The following GRPR variants were observed in gnomAD, a reference collection of about 807,000 sequenced individuals.
The protein encoded by GRPR is gastrin releasing peptide receptor, also known as gastrin-releasing peptide receptor.
Under a neutral mutation model 15.6 loss-of-function variants are expected in GRPR, and 4 were observed. The ratio of observed to expected loss-of-function variants is 0.26; its 90% CI spans 0.13 to 0.59. The LOEUF (loss-of-function observed/expected upper bound fraction) is 0.59. GRPR is among the 20% of genes least tolerant of loss of function. GRPR has a pLI of 0.90. For synonymous variants in GRPR, 128 were observed against 126.8 expected, an observed-to-expected ratio of 1.01 and a Z score of -0.06; for missense variants, 270 against 304.1, an observed-to-expected ratio of 0.89 and a Z score of 0.83.
intron 1 of GRPR, among the ~76,000 whole-genome samples, chrX:16,142,447 G>A (rs969806618): frequency 9.1e-6 from 1 of 109,548 alleles, no homozygotes; most frequent in African/African-American, 3.3e-5. Context: ...GCTGAGCTTT[G>A]GAAAGTAAGG....
At chrX:16,128,464 G>A (rs1601941771) in intron 1 of GRPR, among the ~76,000 whole-genome samples, 2 of 111,042 alleles carry the variant, frequency 1.8e-5, no homozygotes, top group Non-Finnish European at 3.8e-5. Flanking sequence ...GCAGTGAGCC[G>A]ACATTGTGCC....
intron 1 of GRPR, among the ~76,000 whole-genome samples, chrX:16,127,477 C>T (rs1006307922): frequency 9.0e-6 from 1 of 111,221 alleles, no homozygotes; most frequent in Non-Finnish European, 1.9e-5. Flanking sequence ...TCTGTCCTTA[C>T]ACACACACTG....
chrX:16,123,736 G>A lies in GRPR; in HGVS notation c.-218G>A, dbSNP rs1366223988. 10 of 448,419 alleles carry A rather than the reference G, an allele frequency of 2.2e-5. No individual in the cohort carries two copies. The East Asian group carries it at 3.3e-4, about 15-fold the overall frequency. The allele number at this position is 448,419 out of a possible 1,213,427, so 37.0% of individuals were successfully genotyped here. On this transcript the variant is annotated 5_prime_UTR_variant, in exon 1 of 3. Transcript: ENST00000380289. Reference sequence around the variant, plus strand: ...TTGTTAACTTATTGAATTTAGAGTTGTATTGCACTGGTCATGTGAAAGCCA... The same window carrying A: ...TTGTTAACTTATTGAATTTAGAGTTATATTGCACTGGTCATGTGAAAGCCA...
At chrX:16,139,107 A>G (rs1379176346) in intron 1 of GRPR, among the ~76,000 whole-genome samples, 2 of 112,181 alleles carry the variant, frequency 1.8e-5, no homozygotes, top group African/African-American at 6.5e-5. Flanking sequence ...CTGATCTTTA[A>G]AATGGGGAGA....
intron 1 of GRPR, among the ~76,000 whole-genome samples, chrX:16,148,234 C>G (rs1156543129): frequency 9.0e-6 from 1 of 111,437 alleles, no homozygotes; most frequent in Non-Finnish European, 1.9e-5. Context: ...ATAGTTGCAT[C>G]TATGTCTGAT....
intron 1 of GRPR, among the ~76,000 whole-genome samples, chrX:16,128,632 G>A (rs1922332304): frequency 1.8e-5 from 2 of 111,928 alleles, no homozygotes; most frequent in Non-Finnish European, 3.8e-5. Context: ...TTGTGGGTCA[G>A]TAAGTAGATT....
chrX:16,151,416 T>C (rs1202532918), intron 2 of GRPR, among the ~76,000 whole-genome samples: 1 of 111,030 alleles, frequency 9.0e-6, no homozygotes, highest in Non-Finnish European at 1.9e-5. Flanking sequence ...GCATCTATGA[T>C]GGAAAAGCAG....
In GRPR at chrX:16,152,438, C is replaced by T. The variant is rs754186413; in HGVS notation, c.948C>T (p.Cys316=). Residue 316 remains cysteine (C), a synonymous_variant, in exon 3 of 3, where the codon TGC becomes TGT. Coordinates refer to ENST00000380289, the MANE Select transcript of GRPR (RefSeq NM_005314.3). ...CARLLAFTNS[C]VNPFALYLLS... ...GCCTCCTGGCCTTCACCAACTCCTG[C>T]GTGAACCCCTTTGCCCTCTACCTGC... is the stretch of plus-strand genomic sequence containing the variant. The T allele has an allele frequency of 1.6e-5, 19 of 1,206,668 alleles. No homozygotes were observed. Among genetic ancestry groups the T allele is most frequent in the Non-Finnish European group, 2.0e-5 (18 of 892,222 alleles).
intron 1 of GRPR, among the ~76,000 whole-genome samples, chrX:16,125,168 G>A (rs905193174): frequency 3.6e-5 from 4 of 112,403 alleles, no homozygotes; most frequent in African/African-American, 1.3e-4. Flanking sequence ...AAAAGTTTAC[G>A]TTTATTCAGT....
chrX:16,150,696 T>C (rs1444341326), intron 2 of GRPR, 40 bp downstream of exon 2: 3 of 812,076 alleles, frequency 3.7e-6, no homozygotes, highest in East Asian at 6.3e-5. Flanking sequence ...CTTGGGGATA[T>C]AATCCCTTGC....
intron 1 of GRPR, among the ~76,000 whole-genome samples, chrX:16,133,228 G>A (rs1414913930): frequency 9.0e-6 from 1 of 111,500 alleles, no homozygotes; most frequent in African/African-American, 3.3e-5. Flanking sequence ...GTTTACAACA[G>A]CGTGTATCCC....
intron 1 of GRPR, 146 bp downstream of exon 1, chrX:16,124,512 A>G: frequency 3.7e-6 from 2 of 545,838 alleles, no homozygotes; most frequent in Non-Finnish European, 6.3e-6. Flanking sequence ...TATTCTGGGT[A>G]TGACTTCTTG....
At position 16,152,594 on chromosome X, in the gene GRPR, G is replaced by A; in HGVS notation, c.1104G>A (p.Val368=). ...MTSLKSTNPS[V]ATFSLINGNI... ...CCCTCAAGAGTACCAACCCCTCCGT[G>A]GCCACCTTTAGCCTCATCAATGGAA... The change falls in exon 3 of 3, where the codon GTG becomes GTA. Residue 368 remains valine, a synonymous_variant. Coordinates refer to ENST00000380289, the MANE Select transcript of GRPR (RefSeq NM_005314.3). 1.7e-6 allele frequency: 2 copies of A among 1,208,974 alleles called. No homozygotes were observed. The highest frequency in any genetic ancestry group is 3.0e-5 in the East Asian group (1 of 33,858).
At chrX:16,132,666 G>A (rs1480647757) in intron 1 of GRPR, among the ~76,000 whole-genome samples, 1 of 111,409 alleles carries the variant, frequency 9.0e-6, no homozygotes, top group Non-Finnish European at 1.9e-5. Flanking sequence ...TTATTAATGA[G>A]AGATTAGAAA....
Position 16,132,626 on chromosome X carries a change from C to A in GRPR, c.413+8260C>A, listed in dbSNP as rs188167832. Among the ~76,000 whole-genome samples the A allele has an allele frequency of 4.6e-3, 515 of 111,519 alleles. 3 individuals are homozygous for A. Among genetic ancestry groups the A allele is most frequent in the Admixed American group, 0.027 (285 of 10,566 alleles). ...GAGAAAATAGAAGGAGGAGGTCAGT[C>A]TTCTAGCATGGTTGATTAAAATTGT... On this transcript the variant is annotated intron_variant, in intron 1 of 2. Transcript: ENST00000380289.
At chrX:16,149,958 A>G (rs1331736746) in intron 1 of GRPR, among the ~76,000 whole-genome samples, 1 of 112,046 alleles carries the variant, frequency 8.9e-6, no homozygotes, top group Non-Finnish European at 1.9e-5. Context: ...CATATTTTAA[A>G]ACACCATGTT....
chrX:16,152,551 G>A lies in GRPR; in HGVS notation c.1061G>A (p.Ser354Asn). 8.3e-7 allele frequency: 1 copy of A among 1,207,469 alleles called. No homozygotes were observed. Residue 354 changes from serine (S) to asparagine (N), a missense_variant, in exon 3 of 3, where the codon AGT becomes AAT. Ser to Asn is a conservative substitution (Grantham distance 46). This residue lies in a region of GRPR where 133 missense variants were observed against 123.4 expected (regional missense o/e 1.08). Coordinates refer to ENST00000380289, the MANE Select transcript of GRPR (RefSeq NM_005314.3). ...ATCCGGTCTCACAGCACTGGAAGGA[G>A]TACAACCTGCATGACCTCCCTCAAG... ...LIIRSHSTGR[S>N]TTCMTSLKST...
At chrX:16,146,735 G>C (rs1211283388) in intron 1 of GRPR, among the ~76,000 whole-genome samples, 1 of 111,827 alleles carries the variant, frequency 8.9e-6, no homozygotes, top group East Asian at 2.8e-4. Flanking sequence ...AGAGGAAATA[G>C]ACTGATATGC....
intron 1 of GRPR, among the ~76,000 whole-genome samples, chrX:16,142,788 T>C (rs1182661636): frequency 1.8e-5 from 2 of 110,310 alleles, no homozygotes; most frequent in Admixed American, 1.9e-4. Context: ...TATTCCAGCT[T>C]CTTCTTGGGC....
Sources: allele counts gnomAD v4.1 joint callset (sites outside exome capture counted in the v4.1 genomes callset), GRCh38; gene constraint gnomAD v4.1.1; regional missense constraint gnomAD v4.1.1; transcripts MANE v1.5; gene names NCBI Gene and HGNC (gene_info 2026-07-23, HGNC 2026-07-21).